The following VAPB variants were observed in gnomAD, a reference collection of about 807,000 sequenced individuals.
VAPB encodes the protein vesicle-associated membrane protein-associated protein B/C.
In VAPB, 7 loss-of-function variants were observed where a neutral mutation model predicts 25.6. The ratio of observed to expected loss-of-function variants is 0.27; its 90% confidence interval spans 0.16 to 0.51. VAPB has a LOEUF of 0.51. VAPB is among the 20% of genes least tolerant of loss of function. VAPB has a pLI of 0.97. For missense variants in VAPB, 266 were observed against 301.3 expected, an observed-to-expected ratio of 0.88 and a Z score of 0.87; for synonymous variants, 112 against 109.2, an observed-to-expected ratio of 1.03 and a Z score of -0.16.
intron 2 of VAPB, among the ~76,000 whole-genome samples, chr20:58,429,597 A>G (rs1988881912): frequency 6.6e-6 from 1 of 152,192 alleles, no homozygotes; most frequent in South Asian, 2.1e-4. Flanking sequence ...AGCAGTTGCA[A>G]AGGCCTTTGA....
chr20:58,423,446 A>AAAAAAAAAAAAAG (rs1568711839), intron 2 of VAPB, among the ~76,000 whole-genome samples: 2 of 145,320 alleles, frequency 1.4e-5, no homozygotes, highest in African/African-American at 5.2e-5. Context: ...AAAAAAAAAA[A>AAAAAAAAAAAAAG]AAAGAAAAGA....
chr20:58,391,179 C>T (rs1484630776), intron 1 of VAPB, among the ~76,000 whole-genome samples: 1 of 152,124 alleles, frequency 6.6e-6, no homozygotes, highest in Non-Finnish European at 1.5e-5. Flanking sequence ...TTGGTGGGTT[C>T]ATTCGGTTAG....
At chr20:58,418,020 T>C (rs2123058260) in intron 1 of VAPB, among the ~76,000 whole-genome samples, 191 bp from the exon 2 acceptor site, 1 of 152,338 alleles carries the variant, frequency 6.6e-6, no homozygotes, top group African/African-American at 2.4e-5. Flanking sequence ...GGTGAAATAG[T>C]GGGAACATGG....
intron 1 of VAPB, among the ~76,000 whole-genome samples, chr20:58,394,963 T>C (rs897148803): frequency 1.3e-5 from 2 of 152,234 alleles, no homozygotes; most frequent in African/African-American, 4.8e-5. Flanking sequence ...ATTGTATGCA[T>C]GTTTCCTTCA....
At chr20:58,419,789 T>TC (rs1037535492) in intron 2 of VAPB, among the ~76,000 whole-genome samples, 5 of 151,964 alleles carry the variant, frequency 3.3e-5, no homozygotes, top group African/African-American at 7.2e-5. Context: ...CTATCTACTT[T>TC]CCCCCCCTCG....
intron 1 of VAPB, among the ~76,000 whole-genome samples, chr20:58,413,622 G>A (rs71368139): frequency 1.3e-5 from 2 of 151,750 alleles, no homozygotes; most frequent in South Asian, 2.1e-4. Flanking sequence ...CCACAAAGCC[G>A]CCATTGTCAT....
intron 1 of VAPB, among the ~76,000 whole-genome samples, chr20:58,390,989 C>G (rs1404776648): frequency 6.6e-6 from 1 of 152,234 alleles, no homozygotes; most frequent in Non-Finnish European, 1.5e-5. Context: ...CCAAACCTAC[C>G]GTGGATTGTA....
At chr20:58,423,398 G>A (rs1481299197) in intron 2 of VAPB, among the ~76,000 whole-genome samples, 1 of 38,460 alleles carries the variant, frequency 2.6e-5, no homozygotes, top group Non-Finnish European at 4.8e-5. Flanking sequence ...GGCAACAAGA[G>A]AGAAACTCCA....
chr20:58,406,826 C>G (rs1196177418), intron 1 of VAPB, among the ~76,000 whole-genome samples: 2 of 152,188 alleles, frequency 1.3e-5, no homozygotes, highest in African/African-American at 2.4e-5. Context: ...TTGACTCATC[C>G]TGCTTTGTGT....
chr20:58,398,067 A>G (rs147877312), intron 1 of VAPB, among the ~76,000 whole-genome samples: 1 of 152,372 alleles, frequency 6.6e-6, no homozygotes, highest in Non-Finnish European at 1.5e-5. Context: ...AGTTGAAAAC[A>G]TATTAGATAC....
chr20:58,411,041 A>G (rs1448483085), intron 1 of VAPB, among the ~76,000 whole-genome samples: 6 of 152,192 alleles, frequency 3.9e-5, no homozygotes, highest in Non-Finnish European at 8.8e-5. Flanking sequence ...TTGGGTAAAT[A>G]CCAAGGAGGG....
intron 1 of VAPB, among the ~76,000 whole-genome samples, chr20:58,404,582 T>C (rs1988181499): frequency 6.6e-6 from 1 of 152,206 alleles, no homozygotes; most frequent in African/African-American, 2.4e-5. Flanking sequence ...ATTTGCCATC[T>C]GAAAGTCATG....
chr20:58,414,452 C>G (rs1476375670), intron 1 of VAPB, among the ~76,000 whole-genome samples: 4 of 151,228 alleles, frequency 2.6e-5, no homozygotes, highest in African/African-American at 9.7e-5. Flanking sequence ...GGCGGAGGGT[C>G]TCCCCACTCC....
intron 3 of VAPB, 109 bp downstream of exon 3, chr20:58,434,814 G>T: frequency 3.0e-6 from 2 of 673,332 alleles, no homozygotes; most frequent in Non-Finnish European, 5.4e-6. Flanking sequence ...TTATTTAAAA[G>T]GGAATAGTTT....
intron 2 of VAPB, among the ~76,000 whole-genome samples, chr20:58,426,465 C>A (rs6070463): frequency 6.6e-6 from 1 of 151,930 alleles, no homozygotes; most frequent in Non-Finnish European, 1.5e-5. Context: ...CAGGCAGGGC[C>A]GACATGATAA....
rs1028149113 is a variant in VAPB at position 58,448,498 on chromosome 20, A to G, written c.*4263A>G. The G allele has an allele frequency of 4.4e-6, 2 of 453,934 alleles. No individual in the cohort carries two copies. The highest frequency in any genetic ancestry group is 4.4e-6 in the Non-Finnish European group (1 of 226,778). The allele number at this position is 453,934 out of a possible 1,614,324, so 28.1% of individuals were successfully genotyped here. A position where few individuals can be genotyped will look rare whatever the true frequency, so the allele number is the denominator to read the frequency against. On this transcript the variant is annotated 3_prime_UTR_variant, in exon 6 of 6. Coordinates refer to ENST00000475243, the MANE Select transcript of VAPB (RefSeq NM_004738.5). Reference sequence around the variant, plus strand: ...GGGGGGTAGATGGCTCTGTTTGCATACGAAGAAATAAAGGCTCCAGGAGGT... The same window carrying G: ...GGGGGGTAGATGGCTCTGTTTGCATGCGAAGAAATAAAGGCTCCAGGAGGT...
intron 2 of VAPB, among the ~76,000 whole-genome samples, chr20:58,427,287 A>AGTGATCT (rs200049240): frequency 1.3e-5 from 2 of 148,650 alleles, no homozygotes; most frequent in African/African-American, 5.0e-5. Context: ...TGCAGGCGAA[A>AGTGATCT]GTGATCTGTG....
intron 2 of VAPB, among the ~76,000 whole-genome samples, chr20:58,428,165 G>A (rs921641267): frequency 4.6e-5 from 7 of 152,192 alleles, no homozygotes; most frequent in African/African-American, 1.7e-4. Flanking sequence ...CTCTGTTCAG[G>A]CAACTCTGAT....
chr20:58,394,851 AG>A (rs1474381528), intron 1 of VAPB, among the ~76,000 whole-genome samples: 1 of 152,196 alleles, frequency 6.6e-6, no homozygotes, highest in Non-Finnish European at 1.5e-5. Context: ...ATTACCTGGG[AG>A]CTTTTCATCC....
Sources: allele counts gnomAD v4.1 joint callset (sites outside exome capture counted in the v4.1 genomes callset), GRCh38; gene constraint gnomAD v4.1.1; transcripts MANE v1.5; gene names NCBI Gene and HGNC (gene_info 2026-07-23, HGNC 2026-07-21).